The following ABHD12 variants were observed in gnomAD, a reference collection of about 807,000 sequenced individuals.
ABHD12 encodes the protein abhydrolase domain containing 12, lysophospholipase.
ABHD12 carries 43 observed loss-of-function variants against 58.3 expected under a neutral mutation model. The observed-to-expected ratio is 0.74, with a 90% CI of 0.58 to 0.95. The LOEUF (loss-of-function observed/expected upper bound fraction) is 0.95. ABHD12 is among the 40% of genes least tolerant of loss of function. The pLI, the probability that ABHD12 is intolerant of heterozygous loss-of-function variation, is 0.00. For synonymous variants in ABHD12, 219 were observed against 211.2 expected (o/e 1.04, Z -0.32); for missense variants, 539 against 537.2 (o/e 1.00, Z -0.03).
chr20:25,324,223 C>A (rs1021290282), intron 2 of ABHD12, among the ~76,000 whole-genome samples: 11 of 152,080 alleles, frequency 7.2e-5, no homozygotes, highest in African/African-American at 2.7e-4. Flanking sequence ...ACTGTGGGTG[C>A]GGGTGCGGTA....
At chr20:25,384,320 A>G (rs1390305328) in intron 1 of ABHD12, among the ~76,000 whole-genome samples, 1 of 151,326 alleles carries the variant, frequency 6.6e-6, no homozygotes, top group Non-Finnish European at 1.5e-5. Flanking sequence ...AAAACAAAAA[A>G]AACTGGTTTG....
At chr20:25,308,603 T>G in intron 7 of ABHD12, 109 bp from the exon 8 acceptor site, 1 of 1,358,782 alleles carries the variant, frequency 7.4e-7, no homozygotes, top group Admixed American at 2.0e-5. Context: ...GTGAAGCTAC[T>G]GGAGTTTCAG....
intron 1 of ABHD12, among the ~76,000 whole-genome samples, chr20:25,341,135 C>T (rs2089448820): frequency 6.6e-6 from 1 of 152,270 alleles, no homozygotes; most frequent in Admixed American, 6.5e-5. Flanking sequence ...GCCTGGCACT[C>T]TGAAGTGGTG....
At chr20:25,327,068 G>T (rs892492313) in intron 2 of ABHD12, among the ~76,000 whole-genome samples, 2 of 152,204 alleles carry the variant, frequency 1.3e-5, no homozygotes, top group Non-Finnish European at 2.9e-5. Context: ...TCACCTTGGG[G>T]TAAACACCTA....
chr20:25,307,053 T>G, intron 9 of ABHD12, 138 bp from the exon 10 acceptor site: 1 of 695,430 alleles, frequency 1.4e-6, no homozygotes, highest in Non-Finnish European at 2.6e-6. Flanking sequence ...AGGGGTGACA[T>G]TGCCAAGGGG....
downstream of ABHD12, chr20:25,296,553 ATTTG>A: frequency 6.3e-7 from 1 of 1,588,694 alleles, no homozygotes; most frequent in South Asian, 1.1e-5. Context: ...ACCAGCGGGC[ATTTG>A]TTTTCTTGCT....
chr20:25,304,905 A>T (rs533707352), intron 10 of ABHD12, among the ~76,000 whole-genome samples: 137 of 151,682 alleles, frequency 9.0e-4, no homozygotes, highest in African/African-American at 3.2e-3. Flanking sequence ...GTTCATTCAG[A>T]TAATTCTTTT....
intron 6 of ABHD12, among the ~76,000 whole-genome samples, chr20:25,313,567 G>A (rs1248732335): frequency 2.0e-5 from 2 of 99,646 alleles, no homozygotes; most frequent in African/African-American, 4.4e-5. Context: ...GAACACCCAA[G>A]AATGATCAAT....
At chr20:25,344,925 C>G (rs1214634476) in intron 1 of ABHD12, among the ~76,000 whole-genome samples, 1 of 152,116 alleles carries the variant, frequency 6.6e-6, no homozygotes, top group Admixed American at 6.5e-5. Flanking sequence ...GGTGCTGTAA[C>G]AACTGTACAT....
rs768563605 is a variant in ABHD12, at chr20:25,390,610, C to A, written c.94G>T (p.Ala32Ser). ...AGGTTCTGCTTCAGGCGGCAGTCGG[C>A]GTCCAGCGCCGCGGCGGCCGAGCCG... ...SSGSAAAALD[A>S]DCRLKQNLRL... The change falls in exon 1 of 13, where the codon GCC (alanine) becomes TCC (serine). Residue 32 changes from alanine (A) to serine (S), a missense_variant. Ala to Ser is a moderately conservative substitution (Grantham distance 99, BLOSUM62 1). Transcript: ENST00000339157. The A allele has an allele frequency of 1.8e-5, 27 of 1,464,850 alleles. No homozygotes were observed. The highest frequency in any genetic ancestry group is 4.4e-4 in the Middle Eastern group (2 of 4,522). 90.7% of individuals were successfully genotyped at this position (1,464,850 alleles called of 1,614,324 possible). A position where few individuals can be genotyped will look rare whatever the true frequency, so the allele number is the denominator to read the frequency against.
chr20:25,338,507 G>C (rs2089409539), intron 2 of ABHD12, among the ~76,000 whole-genome samples: 1 of 152,126 alleles, frequency 6.6e-6, no homozygotes, highest in African/African-American at 2.4e-5. Context: ...TGTTCCCAGG[G>C]CCATGTGCCC....
chr20:25,308,357 C>T, intron 8 of ABHD12, 100 bp downstream of exon 8: 1 of 1,458,978 alleles, frequency 6.9e-7, no homozygotes, highest in South Asian at 1.2e-5. Context: ...ATGTGCAGCT[C>T]ATGCTGCTCC....
chr20:25,295,481 C>A, downstream of ABHD12: 2 of 1,124,500 alleles, frequency 1.8e-6, no homozygotes, highest in Non-Finnish European at 2.7e-6. Context: ...CGTGGGTGGG[C>A]CCCTTCGCTC....
In ABHD12 at chr20:25,300,717, T is replaced by C. The variant is rs2088619473; in HGVS notation, c.*128A>G. 2 of 1,566,406 alleles carry C rather than the reference T, an allele frequency of 1.3e-6. No homozygotes were observed. Among genetic ancestry groups the C allele is most frequent in the East Asian group, 4.7e-5 (2 of 42,178 alleles). ...TCCCCGCCTGGGATCTGAGGTGCTC[T>C]CCAGGTGCGAGCTGGGCTCCTGAGC... is the stretch of plus-strand genomic sequence containing the variant. On this transcript the variant is annotated 3_prime_UTR_variant, in exon 13 of 13. Coordinates refer to ENST00000339157, the MANE Select transcript of ABHD12 (RefSeq NM_001042472.3).
At chr20:25,309,322 G>A (rs778543008) in intron 7 of ABHD12, 124 bp downstream of exon 7, 13 of 1,423,394 alleles carry the variant, frequency 9.1e-6, no homozygotes, top group East Asian at 4.6e-5. Context: ...GGATGGGAGC[G>A]AGGCTGGTCG....
At chr20:25,368,262 C>G in intron 1 of ABHD12, 1 of 1,519,034 alleles carries the variant, frequency 6.6e-7, no homozygotes, top group Non-Finnish European at 9.0e-7. Flanking sequence ...AGATAAAACA[C>G]AAGTCAAACT....
intron 12 of ABHD12, 87 bp from the exon 13 acceptor site, chr20:25,300,971 C>CA: frequency 7.0e-7 from 1 of 1,420,254 alleles, no homozygotes; most frequent in East Asian, 2.4e-5. Flanking sequence ...TCTAAGGAAG[C>CA]AGAGGCTGTG....
chr20:25,359,153 G>C (rs959767911), intron 1 of ABHD12, among the ~76,000 whole-genome samples: 1 of 151,690 alleles, frequency 6.6e-6, no homozygotes, highest in African/African-American at 2.4e-5. Flanking sequence ...CGGGCGTGGT[G>C]GCTCACGCTT....
At chr20:25,332,699 A>C (rs2146012990) in intron 2 of ABHD12, among the ~76,000 whole-genome samples, 1 of 149,700 alleles carries the variant, frequency 6.7e-6, no homozygotes, top group African/African-American at 2.5e-5. Context: ...CCTGCTCCTG[A>C]ATGACTACTG....
Sources: gnomAD v4.1 joint callset for allele counts (sites outside exome capture counted in the v4.1 genomes callset) on GRCh38, gnomAD v4.1.1 for gene constraint, MANE v1.5 for transcripts, NCBI Gene and HGNC (gene_info 2026-07-23, HGNC 2026-07-21) for gene names.